The following FBLN1 variants were observed in gnomAD, a reference collection of about 807,000 sequenced individuals.
The protein encoded by FBLN1 is fibulin 1.
Under a neutral mutation model 89.7 loss-of-function variants are expected in FBLN1, and 34 were observed. That is an observed-to-expected ratio of 0.38 (90% CI 0.29 to 0.50). FBLN1 has a LOEUF of 0.50. FBLN1 is among the 20% of genes least tolerant of loss of function. FBLN1 has a pLI of 0.92. For synonymous variants in FBLN1, 393 were observed against 391.3 expected, an observed-to-expected ratio of 1.00 and a Z score of -0.05; for missense variants, 777 against 988.1, an observed-to-expected ratio of 0.79 and a Z score of 2.86.
chr22:45,533,837 C>T lies in FBLN1; in HGVS notation c.723C>T (p.Arg241=). The T allele has an allele frequency of 1.9e-6, 3 of 1,614,086 alleles. No individual in the cohort carries two copies. In the South Asian group the frequency reaches 3.3e-5, roughly 18 times the overall value. The change falls in exon 7 of 17, where the codon CGC becomes CGT. Residue 241 remains arginine (R), a synonymous_variant. Coordinates refer to ENST00000327858, the MANE Select transcript of FBLN1 (RefSeq NM_006486.3). ...ESCINTVGSF[R]CQRDSSCGTG... ...GCATCAACACAGTGGGCTCTTTCCG[C>T]TGCCAGCGGGACAGCAGCTGCGGGA...
chr22:45,520,201 C>T (rs2088230956), intron 2 of FBLN1, among the ~76,000 whole-genome samples: 1 of 152,140 alleles, frequency 6.6e-6, no homozygotes. Flanking sequence ...CAGAGATCAC[C>T]TATGAAATCA....
At chr22:45,535,550 G>A in intron 8 of FBLN1, 2 of 582,332 alleles carry the variant, frequency 3.4e-6, no homozygotes, top group South Asian at 3.9e-5. Context: ...TGCTGTTATA[G>A]TCTAAAGCGG....
intron 1 of FBLN1, among the ~76,000 whole-genome samples, chr22:45,508,779 G>A (rs759480036): frequency 1.4e-4 from 21 of 152,122 alleles, no homozygotes; most frequent in Non-Finnish European, 2.1e-4. Flanking sequence ...TCATTTGTGC[G>A]TTCATTCATT....
At chr22:45,582,070 A>G (rs1476062151) in intron 16 of FBLN1, among the ~76,000 whole-genome samples, 2 of 152,202 alleles carry the variant, frequency 1.3e-5, no homozygotes, top group Non-Finnish European at 2.9e-5. Context: ...GTACCCACTC[A>G]GCAGGTAAGA....
chr22:45,589,100 A>T (rs2089113799), intron 16 of FBLN1, among the ~76,000 whole-genome samples: 1 of 146,392 alleles, frequency 6.8e-6, no homozygotes, highest in Non-Finnish European at 1.5e-5. Context: ...ATATATAAAA[A>T]ATATATAAAA....
At chr22:45,509,992 C>T (rs1253817221) in intron 1 of FBLN1, among the ~76,000 whole-genome samples, 3 of 152,106 alleles carry the variant, frequency 2.0e-5, no homozygotes, top group Non-Finnish European at 4.4e-5. Context: ...CCTCAGCTGC[C>T]TCTGAGTTTT....
rs1350504335 is a variant in FBLN1 at position 45,525,653 on chromosome 22, C to T, written c.296C>T (p.Ala99Val). 6.4e-7 allele frequency: 1 copy of T among 1,551,426 alleles called. No homozygotes were observed. Among genetic ancestry groups the T allele is most frequent in the Admixed American group, 2.0e-5 (1 of 51,032 alleles). Residue 99 changes from alanine to valine, a missense_variant, in exon 3 of 17, where the codon GCC becomes GTC. Transcript: ENST00000327858. The stretch of plus-strand genomic sequence containing the variant: ...TGTGCCACGCCCCACGGTGACAACG[C>T]CAGCCTGGAGGCCACATTTGTGAAG... Reference protein sequence around the residue: ...DRCATPHGDNASLEATFVKRC... With the variant: ...DRCATPHGDNVSLEATFVKRC...
intron 14 of FBLN1, chr22:45,565,978 C>T (rs1299844672): frequency 1.3e-5 from 2 of 153,912 alleles, no homozygotes; most frequent in Non-Finnish European, 2.9e-5. Context: ...AGGAGAGTCG[C>T]TTGAGCCCAG....
chr22:45,564,506 C>T (rs1569258448), intron 14 of FBLN1, among the ~76,000 whole-genome samples: 1 of 152,236 alleles, frequency 6.6e-6, no homozygotes, highest in Non-Finnish European at 1.5e-5. Context: ...GCCCTTGGTA[C>T]GTGCTTTGCA....
rs987745549 is a variant in FBLN1, at chr22:45,531,831, G to T, written c.544+507G>T. On this transcript the variant is annotated intron_variant, in intron 5 of 16. Transcript: ENST00000327858. The surrounding 1 kb of genome is among the most constrained non-coding windows in gnomAD (Gnocchi z 4.9). ...GTGTGGAAAGCCTGCACGTTACCGA[G>T]CCCCCAGGCCTTGTGAAGGTGACAG... 6.6e-6 allele frequency among the ~76,000 whole-genome samples: 1 copy of T among 152,220 alleles called. No homozygotes were observed. Among genetic ancestry groups the T allele is most frequent in the African/African-American group, 2.4e-5 (1 of 41,452 alleles).
rs2088349227 is a variant in FBLN1, at chr22:45,527,793, C to T, written c.322-54C>T. ...GCCTCCCCTGAGGCCTCTCGTGGAC[C>T]CCGCTGGGCTGTCTGCCCGCTCCTC... On this transcript the variant is annotated intron_variant, in intron 3 of 16. Transcript: ENST00000327858. 57 of 1,606,802 alleles carry T rather than the reference C, an allele frequency of 3.5e-5. No individual in the cohort carries two copies. In the South Asian group the frequency reaches 5.6e-4, roughly 16 times the overall value.
In FBLN1 at chr22:45,532,927, G is replaced by T; in HGVS notation, c.545-136G>T. 1 of 748,504 alleles carries T rather than the reference G, an allele frequency of 1.3e-6. No homozygotes were observed. 46.4% of individuals were successfully genotyped at this position (748,504 alleles called of 1,614,324 possible). ...GGGTCTCCCAGTAGGGCAGCAGGTG[G>T]GCTCCAGCCAGGTCAGCCTGCCTTC... On this transcript the variant is annotated intron_variant, in intron 5 of 16. Transcript: ENST00000327858. The surrounding 1 kb of genome is among the most constrained non-coding windows in gnomAD (Gnocchi z 4.2).
rs984619864 is a variant in FBLN1 at position 45,600,239 on chromosome 22, C to G, written c.1973-68C>G. On this transcript the variant is annotated intron_variant, in intron 16 of 16. Transcript: ENST00000327858. ...AGCTCTGAAACTCCTCAAGGGAAACCATTTCCCAGATCTCTACGTTGCTGC... is the reference window on the plus strand; with the variant it reads ...AGCTCTGAAACTCCTCAAGGGAAACGATTTCCCAGATCTCTACGTTGCTGC... The G allele has an allele frequency of 6.9e-6, 11 of 1,597,012 alleles. No homozygotes were observed. In the East Asian group the frequency reaches 8.9e-5, roughly 13 times the overall value.
At chr22:45,504,716 T>G (rs866545340) in intron 1 of FBLN1, among the ~76,000 whole-genome samples, 7 of 152,196 alleles carry the variant, frequency 4.6e-5, no homozygotes, top group South Asian at 4.2e-4. Flanking sequence ...TTTCTCCCTA[T>G]GTGTGTGTGA....
At position 45,568,509 on chromosome 22, in the gene FBLN1, C is replaced by CTTCTGTAGGGGAATGCCT. The variant is rs1569260079; in HGVS notation, c.1698-6002_1698-6001insTTCTGTAGGGGAATGCCT. On this transcript the variant is annotated intron_variant, in intron 14 of 16. Coordinates refer to ENST00000327858, the MANE Select transcript of FBLN1 (RefSeq NM_006486.3). ...AATGCCTCTTCTGTAGGGGAGTGCT[C>CTTCTGTAGGGGAATGCCT]CTTCTGTAGGGGAATGCCTCTTCTG... 6.4e-3 allele frequency among the ~76,000 whole-genome samples: 676 copies of CTTCTGTAGGGGAATGCCT among 105,064 alleles called. 157 individuals are homozygous for CTTCTGTAGGGGAATGCCT. The highest frequency in any genetic ancestry group is 0.028 in the African/African-American group (638 of 23,180). The allele number at this position is 105,064 out of a possible 152,430, so 68.9% of individuals were successfully genotyped here.
chr22:45,506,706 C>T (rs1231521017), intron 1 of FBLN1, among the ~76,000 whole-genome samples: 1 of 152,186 alleles, frequency 6.6e-6, no homozygotes, highest in African/African-American at 2.4e-5. Context: ...CCCCCTCCTT[C>T]TACCCACTTC....
chr22:45,594,489 A>G (rs2089166237), intron 16 of FBLN1, among the ~76,000 whole-genome samples: 1 of 150,386 alleles, frequency 6.6e-6, no homozygotes, highest in Non-Finnish European at 1.5e-5. Context: ...ATTCCTCAAA[A>G]CCCAATTTAA....
At chr22:45,526,257 T>C (rs1283577139) in intron 3 of FBLN1, among the ~76,000 whole-genome samples, 1 of 152,188 alleles carries the variant, frequency 6.6e-6, no homozygotes, top group African/African-American at 2.4e-5. Context: ...TGTGAATAAA[T>C]GGCATAGTCC....
intron 14 of FBLN1, among the ~76,000 whole-genome samples, chr22:45,570,355 G>GAAAAA (rs56383142): frequency 9.2e-6 from 1 of 108,622 alleles, no homozygotes; most frequent in African/African-American, 3.9e-5. Context: ...GAAAAGAAAA[G>GAAAAA]AAAAAAAAAA....
Sources: gnomAD v4.1 joint callset for allele counts (sites outside exome capture counted in the v4.1 genomes callset) on GRCh38, gnomAD v4.1.1 for gene constraint, Gnocchi (gnomAD v3.1) non-coding constraint, MANE v1.5 for transcripts, NCBI Gene and HGNC (gene_info 2026-07-23, HGNC 2026-07-21) for gene names.